Variants in ST8SIA6 observed in about 807,000 individuals in gnomAD.
The protein encoded by ST8SIA6 is ST8 alpha-N-acetyl-neuraminide alpha-2,8-sialyltransferase 6.
ST8SIA6 carries 39 observed loss-of-function variants against 33.6 expected under a neutral mutation model. The observed-to-expected ratio is 1.16, with a 90% CI of 0.90 to 1.52. The LOEUF is 1.52. ST8SIA6 is among the 40% of genes most tolerant of loss of function. The pLI is 0.00. For missense variants in ST8SIA6, 441 were observed against 443.8 expected (o/e 0.99, Z 0.06); for synonymous variants, 172 against 167.2 (o/e 1.03, Z -0.22).
chr10:17,382,103 A>G (rs1350773534), intron 3 of ST8SIA6, among the ~76,000 whole-genome samples: 1 of 152,194 alleles, frequency 6.6e-6, no homozygotes, highest in Non-Finnish European at 1.5e-5. Context: ...TAAATAATCT[A>G]GGTAAACTAT....
intron 3 of ST8SIA6, among the ~76,000 whole-genome samples, chr10:17,373,646 A>G (rs556386909): frequency 6.6e-6 from 1 of 152,310 alleles, no homozygotes; most frequent in Non-Finnish European, 1.5e-5. Flanking sequence ...AATAAACTAT[A>G]CCTTTAACAT....
chr10:17,446,384 A>G (rs561007415), intron 2 of ST8SIA6, among the ~76,000 whole-genome samples: 1 of 152,382 alleles, frequency 6.6e-6, no homozygotes, highest in African/African-American at 2.4e-5. Context: ...TCAATGAAAT[A>G]TAAGAAAACA....
chr10:17,349,381 T>G (rs1848958585), intron 4 of ST8SIA6, among the ~76,000 whole-genome samples: 1 of 152,178 alleles, frequency 6.6e-6, no homozygotes, highest in African/African-American at 2.4e-5. Context: ...TTTAAACTAG[T>G]TAGTAAAATA....
chr10:17,377,661 A>G (rs947022076), intron 3 of ST8SIA6, among the ~76,000 whole-genome samples: 3 of 152,228 alleles, frequency 2.0e-5, no homozygotes, highest in African/African-American at 7.2e-5. Context: ...TTCAAAAAAT[A>G]TAGTTAAGAC....
chr10:17,453,823 G>A (rs1272803435), intron 1 of ST8SIA6, among the ~76,000 whole-genome samples, 166 bp from the exon 2 acceptor site: 1 of 152,212 alleles, frequency 6.6e-6, no homozygotes, highest in East Asian at 1.9e-4. Flanking sequence ...GGAAGGAAGA[G>A]ACAGCAAGGA....
intron 2 of ST8SIA6, among the ~76,000 whole-genome samples, chr10:17,444,843 CA>C (rs1852646271): frequency 6.6e-6 from 1 of 152,088 alleles, no homozygotes; most frequent in Non-Finnish European, 1.5e-5. Flanking sequence ...AGAAGGGTTG[CA>C]ATTAAGATGG....
intron 3 of ST8SIA6, among the ~76,000 whole-genome samples, chr10:17,370,012 G>A (rs557891927): frequency 2.7e-5 from 4 of 147,406 alleles, no homozygotes; most frequent in Admixed American, 2.7e-4. Flanking sequence ...TTTTTTTGGA[G>A]ACGGAGTCTA....
intron 2 of ST8SIA6, among the ~76,000 whole-genome samples, chr10:17,419,153 A>G (rs1275446010): frequency 2.0e-5 from 3 of 152,180 alleles, no homozygotes; most frequent in Non-Finnish European, 2.9e-5. Flanking sequence ...AATGATCACC[A>G]GTAGTAAGTA....
chr10:17,402,096 A>G (rs556097109), intron 2 of ST8SIA6, among the ~76,000 whole-genome samples: 64 of 152,234 alleles, frequency 4.2e-4, no homozygotes, highest in African/African-American at 1.5e-3. Flanking sequence ...GAAAAAAACA[A>G]CCCCATCAAC....
intron 2 of ST8SIA6, among the ~76,000 whole-genome samples, chr10:17,428,140 T>C (rs191746576): frequency 2.7e-4 from 41 of 152,352 alleles, no homozygotes; most frequent in Admixed American, 1.5e-3. Context: ...TCTCCCTCAA[T>C]GCCCATTTCT....
Position 17,331,477 on chromosome 10 carries a change from A to G in ST8SIA6, c.453T>C (p.Asn151=). The change falls in exon 5 of 8, where the codon AAT becomes AAC. Residue 151 remains asparagine (N), a synonymous_variant. Transcript: ENST00000377602. ...VSQNNTPVGT[N]MSYEVESKKE... ...TTTTGCTTTCCACCTCGTAACTCATATTAGTCCCAACTGGAGTGTTATTCT... is the reference window on the plus strand; with the variant it reads ...TTTTGCTTTCCACCTCGTAACTCATGTTAGTCCCAACTGGAGTGTTATTCT... The G allele has an allele frequency of 6.2e-7, 1 of 1,613,878 alleles. No individual in the cohort carries two copies.
chr10:17,367,605 C>T (rs556563289), intron 3 of ST8SIA6, among the ~76,000 whole-genome samples: 62 of 152,170 alleles, frequency 4.1e-4, no homozygotes, highest in African/African-American at 1.4e-3. Flanking sequence ...TTTTGAATTT[C>T]CTCTTGTCAT....
chr10:17,377,075 C>T (rs1325088163), intron 3 of ST8SIA6, among the ~76,000 whole-genome samples: 3 of 152,116 alleles, frequency 2.0e-5, no homozygotes, highest in Non-Finnish European at 4.4e-5. Context: ...TAGCCAATTC[C>T]TGCCTTTACT....
At chr10:17,401,600 A>G (rs1851045447) in intron 2 of ST8SIA6, among the ~76,000 whole-genome samples, 1 of 152,250 alleles carries the variant, frequency 6.6e-6, no homozygotes, top group Non-Finnish European at 1.5e-5. Context: ...CCAATGGAAC[A>G]GAACTGAGCC....
intron 2 of ST8SIA6, among the ~76,000 whole-genome samples, chr10:17,437,610 T>TTTCCTTCCTTCC (rs374960462): frequency 2.9e-4 from 28 of 98,022 alleles, no homozygotes; most frequent in African/African-American, 1.4e-3. Flanking sequence ...GGACCCCCTG[T>TTTCCTTCCTTCC]TTCCTTCCTT....
rs186005401 is a variant in ST8SIA6 at position 17,437,878 on chromosome 10, G to T, written c.200+15681C>A. 2.8e-3 allele frequency among the ~76,000 whole-genome samples: 427 copies of T among 152,048 alleles called. 13 individuals are homozygous for T. The highest frequency in any genetic ancestry group is 0.024 in the Admixed American group (373 of 15,276). The stretch of plus-strand genomic sequence containing the variant: ...CCTGAGTAGCTGGGACTACAGGTGG[G>T]CACCACCATGCCCAGCTAATTTTTG... On this transcript the variant is annotated intron_variant, in intron 2 of 7. Coordinates refer to ENST00000377602, the MANE Select transcript of ST8SIA6 (RefSeq NM_001004470.3).
At chr10:17,419,026 GTCATGC>G (rs1216542448) in intron 2 of ST8SIA6, among the ~76,000 whole-genome samples, 1 of 135,926 alleles carries the variant, frequency 7.4e-6, no homozygotes, top group Non-Finnish European at 1.6e-5. Context: ...GAAAAATTTA[GTCATGC>G]TCACCAATCT....
chr10:17,422,768 C>T (rs1428831994), intron 2 of ST8SIA6, among the ~76,000 whole-genome samples: 1 of 152,148 alleles, frequency 6.6e-6, no homozygotes, highest in Non-Finnish European at 1.5e-5. Context: ...TTAAAATTAC[C>T]TGGAATGACT....
intron 2 of ST8SIA6, among the ~76,000 whole-genome samples, chr10:17,402,024 A>G (rs1851060246): frequency 6.6e-6 from 1 of 152,196 alleles, no homozygotes; most frequent in African/African-American, 2.4e-5. Context: ...AATTTTTGCA[A>G]TCTACTCATC....
Sources: gnomAD v4.1 joint callset for allele counts (sites outside exome capture counted in the v4.1 genomes callset) on GRCh38, gnomAD v4.1.1 for gene constraint, MANE v1.5 for transcripts, NCBI Gene and HGNC (gene_info 2026-07-23, HGNC 2026-07-21) for gene names.